TENM4: variants seen among roughly 807,000 people sequenced by gnomAD.
TENM4 encodes teneurin transmembrane protein 4, also known as teneurin-4.
A neutral mutation model predicts 243.3 loss-of-function variants in TENM4; 82 were observed. That is an observed-to-expected ratio of 0.34 (90% CI 0.28 to 0.40). The LOEUF (loss-of-function observed/expected upper bound fraction) is 0.40, where lower values mean the gene tolerates loss of function less well. Ranked by LOEUF, TENM4 falls within the 10% of genes least tolerant of loss-of-function variation. The pLI is 1.00. For missense variants in TENM4, 3,138 were observed against 3,673.3 expected, an observed-to-expected ratio of 0.85 and a Z score of 3.77; for synonymous variants, 1,412 against 1,456.3, an observed-to-expected ratio of 0.97 and a Z score of 0.69.
chr11:79,166,101 G>A (rs777611631), intron 3 of TENM4, among the ~76,000 whole-genome samples: 31 of 152,160 alleles, frequency 2.0e-4, no homozygotes, highest in Non-Finnish European at 4.6e-4. Context: ...AGGTTCTACT[G>A]CATGTCTCAG....
At chr11:79,273,771 T>A (rs1590843183) in intron 2 of TENM4, among the ~76,000 whole-genome samples, 2 of 152,194 alleles carry the variant, frequency 1.3e-5, no homozygotes, top group African/African-American at 4.8e-5. Flanking sequence ...AAATGCGCTG[T>A]AAATGCCCTG....
At chr11:78,906,578 T>G (rs1856067181) in intron 6 of TENM4, among the ~76,000 whole-genome samples, 1 of 152,170 alleles carries the variant, frequency 6.6e-6, no homozygotes, top group Non-Finnish European at 1.5e-5. Context: ...TAAAAGGAAA[T>G]TCTCCTATGG....
intron 2 of TENM4, among the ~76,000 whole-genome samples, chr11:79,260,386 A>G (rs1855775630): frequency 6.6e-6 from 1 of 152,210 alleles, no homozygotes; most frequent in South Asian, 2.1e-4. Context: ...TAATGAACAC[A>G]TTCCATATGT....
Position 79,346,136 on chromosome 11 carries a change from C to G in TENM4, c.-320-48593G>C, listed in dbSNP as rs183320054. Among the ~76,000 whole-genome samples, 5 of 152,302 alleles carry G rather than the reference C, an allele frequency of 3.3e-5. No individual in the cohort carries two copies. In the East Asian group the frequency reaches 9.6e-4, roughly 29 times the overall value. On this transcript the variant is annotated intron_variant, in intron 1 of 33. Coordinates refer to ENST00000278550, the MANE Select transcript of TENM4 (RefSeq NM_001098816.3). ...ACTCCGAAGTCCATTCTAGCTCATT[C>G]CACTATGCAGCAGCTGTAATCCCCC...
At chr11:79,141,828 A>T (rs1399358562) in intron 4 of TENM4, among the ~76,000 whole-genome samples, 1 of 152,154 alleles carries the variant, frequency 6.6e-6, no homozygotes, top group African/African-American at 2.4e-5. Flanking sequence ...CCCAGATGCA[A>T]GGATGGTTCA....
chr11:78,704,887 G>T (rs1159831052), intron 27 of TENM4, among the ~76,000 whole-genome samples: 1 of 152,102 alleles, frequency 6.6e-6, no homozygotes, highest in Admixed American at 6.5e-5. Flanking sequence ...CTCAGGAGGG[G>T]GCAGGCCCTT....
rs60571667 is a variant in TENM4 at position 79,431,268 on chromosome 11, T to C, written c.-321+9241A>G. ...TAAACATAATTTTTATCATGGCATT[T>C]TCCCTTGTCACAAAACACATTTTCA... is the stretch of plus-strand genomic sequence containing the variant. On this transcript the variant is annotated intron_variant, in intron 1 of 33. Transcript: ENST00000278550. Among the ~76,000 whole-genome samples the C allele has an allele frequency of 2.6e-3, 395 of 152,350 alleles. 1 individual carries two copies. Among genetic ancestry groups the C allele is most frequent in the African/African-American group, 9.0e-3 (373 of 41,578 alleles).
At chr11:79,237,378 G>T (rs1466291388) in intron 2 of TENM4, among the ~76,000 whole-genome samples, 1 of 152,098 alleles carries the variant, frequency 6.6e-6, no homozygotes, top group Non-Finnish European at 1.5e-5. Context: ...TTAAACTCTG[G>T]TATAAAGTAA....
At chr11:78,817,759 G>A (rs900088621) in intron 12 of TENM4, among the ~76,000 whole-genome samples, 20 of 152,220 alleles carry the variant, frequency 1.3e-4, no homozygotes, top group African/African-American at 4.8e-4. Context: ...AAAGGCAGAC[G>A]GCCTGGCTTC....
intron 3 of TENM4, among the ~76,000 whole-genome samples, chr11:79,159,143 G>C (rs1159197222): frequency 1.3e-5 from 2 of 152,170 alleles, no homozygotes; most frequent in African/African-American, 4.8e-5. Context: ...GCTATAAGAG[G>C]GGGGCTCTAC....
intron 6 of TENM4, among the ~76,000 whole-genome samples, chr11:79,029,344 CA>C (rs1019290710): frequency 2.6e-5 from 4 of 152,176 alleles, no homozygotes; most frequent in Non-Finnish European, 5.9e-5. Flanking sequence ...CACCTGCTTT[CA>C]AATTTGTTTT....
intron 6 of TENM4, among the ~76,000 whole-genome samples, chr11:78,959,274 T>A (rs1401552961): frequency 6.6e-6 from 1 of 152,226 alleles, no homozygotes; most frequent in Non-Finnish European, 1.5e-5. Flanking sequence ...ATTATTTGAA[T>A]GTTAACAAGC....
At chr11:78,875,003 C>T (rs1342670725) in intron 9 of TENM4, among the ~76,000 whole-genome samples, 3 of 152,182 alleles carry the variant, frequency 2.0e-5, no homozygotes, top group Admixed American at 6.5e-5. Flanking sequence ...GCCTGGAGAA[C>T]AGCAGAATCA....
chr11:78,685,218 G>A (rs977312801), intron 29 of TENM4, among the ~76,000 whole-genome samples: 1 of 152,230 alleles, frequency 6.6e-6, no homozygotes, highest in Non-Finnish European at 1.5e-5. Flanking sequence ...GTGACTTGGA[G>A]GGAACAGCAT....
At chr11:78,920,909 A>G (rs1856433567) in intron 6 of TENM4, among the ~76,000 whole-genome samples, 1 of 152,208 alleles carries the variant, frequency 6.6e-6, no homozygotes, top group South Asian at 2.1e-4. Flanking sequence ...TCGTAAGTAC[A>G]TGCTGAGCCT....
intron 12 of TENM4, among the ~76,000 whole-genome samples, chr11:78,826,109 C>T (rs988782343): frequency 1.9e-4 from 16 of 84,334 alleles, no homozygotes; most frequent in African/African-American, 5.6e-4. Context: ...TTTTTTGAGA[C>T]GGAGTTTTGC....
chr11:78,972,906 C>A (rs1336701202), intron 6 of TENM4, among the ~76,000 whole-genome samples: 1 of 152,236 alleles, frequency 6.6e-6, no homozygotes, highest in East Asian at 1.9e-4. Context: ...CTATTCTGAG[C>A]ATTTCATAAA....
At chr11:79,411,992 G>A (rs954749219) in intron 1 of TENM4, among the ~76,000 whole-genome samples, 17 of 152,164 alleles carry the variant, frequency 1.1e-4, no homozygotes, top group Non-Finnish European at 1.5e-4. Flanking sequence ...CTTCACAAAG[G>A]AGTCTAGCAG....
chr11:78,758,944 G>C (rs1182342934), intron 18 of TENM4, among the ~76,000 whole-genome samples: 4 of 152,130 alleles, frequency 2.6e-5, no homozygotes. Context: ...TGTCAAACAA[G>C]TATTTGTTAT....
Sources: gnomAD v4.1 joint callset for allele counts (sites outside exome capture counted in the v4.1 genomes callset) on GRCh38, gnomAD v4.1.1 for gene constraint, MANE v1.5 for transcripts, NCBI Gene and HGNC (gene_info 2026-07-23, HGNC 2026-07-21) for gene names.